MKLN1: variants seen among roughly 807,000 people sequenced by gnomAD.
MKLN1 encodes muskelin.
A neutral mutation model predicts 99.0 loss-of-function variants in MKLN1; 18 were observed. The ratio of observed to expected loss-of-function variants is 0.18; its 90% CI spans 0.13 to 0.27. The LOEUF (loss-of-function observed/expected upper bound fraction) is 0.27. Among genes scored for constraint, MKLN1 ranks in the 10% least tolerant of loss-of-function variants. MKLN1 has a pLI of 1.00. For missense variants in MKLN1, 621 were observed against 875.9 expected (o/e 0.71, Z 3.67); for synonymous variants, 288 against 293.2 (o/e 0.98, Z 0.18).
At chr7:131,195,792 A>G (rs1049439732) in intron 2 of MKLN1, among the ~76,000 whole-genome samples, 2 of 151,884 alleles carry the variant, frequency 1.3e-5, no homozygotes, top group African/African-American at 4.8e-5. Context: ...CTCTACTAAA[A>G]ATACAAAAAT....
At chr7:131,222,085 T>C (rs532064942) in intron 3 of MKLN1, among the ~76,000 whole-genome samples, 1 of 151,720 alleles carries the variant, frequency 6.6e-6, no homozygotes, top group South Asian at 2.1e-4. Context: ...TTAGTAGAGA[T>C]GGGGTTTCAC....
At chr7:131,235,870 C>T (rs1797314178) in intron 3 of MKLN1, among the ~76,000 whole-genome samples, 2 of 152,170 alleles carry the variant, frequency 1.3e-5, no homozygotes, top group Non-Finnish European at 1.5e-5. Context: ...GTGAGTGAGT[C>T]AGAAGCCACA....
Position 131,491,143 on chromosome 7 carries a change from T to C in MKLN1, c.*3415T>C, listed in dbSNP as rs1425886264. The C allele has an allele frequency of 6.6e-6, 1 of 152,248 alleles. No individual in the cohort carries two copies. Among genetic ancestry groups the C allele is most frequent in the East Asian group, 1.9e-4 (1 of 5,186 alleles). 9.4% of individuals were successfully genotyped at this position (152,248 alleles called of 1,614,324 possible). On this transcript the variant is annotated 3_prime_UTR_variant, in exon 18 of 18. Transcript: ENST00000352689. ...TAGCTGGTTGAATGTTGCACAGTAT[T>C]TGAGAATTACGGTTTGAAGTGATTT...
At chr7:131,403,741 A>G (rs1794619986) in intron 6 of MKLN1, among the ~76,000 whole-genome samples, 1 of 152,198 alleles carries the variant, frequency 6.6e-6, no homozygotes, top group Non-Finnish European at 1.5e-5. Flanking sequence ...TTTATGGAGA[A>G]GTCAGAACAC....
At chr7:131,141,141 C>T (rs186199106) in intron 1 of MKLN1, among the ~76,000 whole-genome samples, 2 of 152,194 alleles carry the variant, frequency 1.3e-5, no homozygotes, top group South Asian at 2.1e-4. Flanking sequence ...TTTCTCTGCT[C>T]CTACACACCC....
At chr7:131,356,804 A>G (rs1799896855) in intron 1 of MKLN1, among the ~76,000 whole-genome samples, 1 of 152,134 alleles carries the variant, frequency 6.6e-6, no homozygotes, top group African/African-American at 2.4e-5. Context: ...GGTGGCAGAT[A>G]CCCAAGTTAC....
chr7:131,411,383 G>C lies in MKLN1; in HGVS notation c.781G>C (p.Gly261Arg). Residue 261 changes from glycine to arginine, a missense_variant and splice_region_variant, in exon 7 of 18, where the codon GGT (glycine) becomes CGT (arginine). Around this residue, in one of 8 missense-constraint regions of MKLN1, gnomAD observed 361 missense variants for 540.8 expected, o/e 0.67. Coordinates refer to ENST00000352689, the MANE Select transcript of MKLN1 (RefSeq NM_013255.5). ...TCAAATCATTCCCAAAAGTACCAAA[G>C]GTAAGCCATACCTTCTAGATTGTAG... is the stretch of plus-strand genomic sequence containing the variant. ...WSQIIPKSTK[G>R]DGEDNRPGMR... The C allele has an allele frequency of 6.3e-7, 1 of 1,593,480 alleles. No individual in the cohort carries two copies. The highest frequency in any genetic ancestry group is 8.6e-7 in the Non-Finnish European group (1 of 1,161,374).
At chr7:131,179,720 G>A (rs1478217779) in intron 2 of MKLN1, among the ~76,000 whole-genome samples, 2 of 151,596 alleles carry the variant, frequency 1.3e-5, no homozygotes, top group Non-Finnish European at 2.9e-5. Flanking sequence ...GACTACAGGT[G>A]CATGCTGCCA....
At chr7:131,316,812 C>T (rs1798676986) in intron 3 of MKLN1, among the ~76,000 whole-genome samples, 1 of 152,018 alleles carries the variant, frequency 6.6e-6, no homozygotes, top group Admixed American at 6.6e-5. Flanking sequence ...CTGAAGCATA[C>T]ACAAGTATCA....
At chr7:131,231,803 C>A (rs1430224045) in intron 3 of MKLN1, among the ~76,000 whole-genome samples, 1 of 152,182 alleles carries the variant, frequency 6.6e-6, no homozygotes, top group Non-Finnish European at 1.5e-5. Flanking sequence ...GTTGAAACAA[C>A]TTCAACCAAA....
Position 131,233,102 on chromosome 7 carries a change from G to A in MKLN1, c.-179+30128G>A, listed in dbSNP as rs6961658. ...TGCCTGTAATCTCAGCACTTTGGGAGGCCGAGGAGGAAGGATTGTTTGAGC... is the reference window on the plus strand; with the variant it reads ...TGCCTGTAATCTCAGCACTTTGGGAAGCCGAGGAGGAAGGATTGTTTGAGC... On this transcript the variant is annotated intron_variant, in intron 3 of 7. Coordinates refer to the MKLN1 transcript ENST00000416992. Among the ~76,000 whole-genome samples, 496 of 152,240 alleles carry A rather than the reference G, an allele frequency of 3.3e-3. 2 individuals carry two copies. The highest frequency in any genetic ancestry group is 0.011 in the African/African-American group (472 of 41,530).
chr7:131,448,358 G>A (rs1358286661), intron 12 of MKLN1, among the ~76,000 whole-genome samples: 2 of 152,170 alleles, frequency 1.3e-5, no homozygotes, highest in Non-Finnish European at 2.9e-5. Flanking sequence ...ATGTAGTAAT[G>A]TACAGTATCG....
At position 131,247,734 on chromosome 7, in the gene MKLN1, A is replaced by G. The variant is rs182832409; in HGVS notation, c.-179+44760A>G. 3.6e-3 allele frequency among the ~76,000 whole-genome samples: 554 copies of G among 152,264 alleles called. 4 individuals carry two copies. Among genetic ancestry groups the G allele is most frequent in the African/African-American group, 0.013 (528 of 41,552 alleles). On this transcript the variant is annotated intron_variant, in intron 3 of 7. Transcript: ENST00000416992. ...AACCTTACAGCTGTTAAAATTATTT[A>G]TTTCTATAGTAGAAGTTATTAGACT...
intron 1 of MKLN1, among the ~76,000 whole-genome samples, chr7:131,357,533 GTC>G (rs1011168986): frequency 2.6e-5 from 4 of 152,070 alleles, no homozygotes; most frequent in African/African-American, 9.7e-5. Context: ...TGGGAGATTT[GTC>G]TCTTCCGCCA....
At chr7:131,430,964 G>A (rs1393763761) in intron 9 of MKLN1, among the ~76,000 whole-genome samples, 1 of 152,130 alleles carries the variant, frequency 6.6e-6, no homozygotes, top group Non-Finnish European at 1.5e-5. Context: ...GCTCATGCCT[G>A]TAATCCCAGC....
At chr7:131,160,023 C>T (rs1796022922) in intron 2 of MKLN1, among the ~76,000 whole-genome samples, 1 of 152,080 alleles carries the variant, frequency 6.6e-6, no homozygotes, top group Non-Finnish European at 1.5e-5. Flanking sequence ...AGCTCCAGAA[C>T]ACTTCCGTCA....
intron 6 of MKLN1, 82 bp from the exon 7 acceptor site, chr7:131,411,224 C>A (rs545828496): frequency 9.2e-6 from 7 of 762,386 alleles, no homozygotes; most frequent in South Asian, 8.1e-5. Context: ...TTTAATGTAG[C>A]CTTTTAAATT....
At chr7:131,159,232 A>G (rs1796012544) in intron 2 of MKLN1, among the ~76,000 whole-genome samples, 1 of 152,124 alleles carries the variant, frequency 6.6e-6, no homozygotes, top group South Asian at 2.1e-4. Context: ...TGCTATGGAC[A>G]GAAATAAGCA....
rs114170825 is a variant in MKLN1 at position 131,357,406 on chromosome 7, A to G, written c.99-18018A>G. Among the ~76,000 whole-genome samples, 219 of 152,090 alleles carry G rather than the reference A, an allele frequency of 1.4e-3. 1 individual carries two copies. The highest frequency in any genetic ancestry group is 2.4e-3 in the Admixed American group (37 of 15,278). On this transcript the variant is annotated intron_variant, in intron 1 of 17. Transcript: ENST00000352689. ...GTTTGTCAGGTTTCTCCACTGTAAT[A>G]TTTTCCCTTTTGCATACTGTACTTT...
Sources: gnomAD v4.1 joint callset for allele counts (sites outside exome capture counted in the v4.1 genomes callset) on GRCh38, gnomAD v4.1.1 for gene constraint, gnomAD v4.1.1 regional missense constraint, MANE v1.5 for transcripts, NCBI Gene and HGNC (gene_info 2026-07-23, HGNC 2026-07-21) for gene names.